COL24A1: variants seen among roughly 807,000 people sequenced by gnomAD.
The protein encoded by COL24A1 is collagen alpha-1(XXIV) chain.
COL24A1 carries 224 observed loss-of-function variants against 253.9 expected under a neutral mutation model. The ratio of observed to expected loss-of-function variants is 0.88; its 90% CI spans 0.79 to 0.99. The LOEUF (loss-of-function observed/expected upper bound fraction) is 0.99, where lower values mean the gene tolerates loss of function less well. COL24A1 is among the 50% of genes least tolerant of loss of function. The pLI, the probability that COL24A1 is intolerant of heterozygous loss-of-function variation, is 0.00. For synonymous variants in COL24A1, 685 were observed against 673.7 expected (o/e 1.02, Z -0.26); for missense variants, 2,131 against 2,068.5 (o/e 1.03, Z -0.59).
At chr1:85,925,803 A>C (rs570727328) in intron 24 of COL24A1, among the ~76,000 whole-genome samples, 10 of 152,354 alleles carry the variant, frequency 6.6e-5, no homozygotes, top group Admixed American at 2.6e-4. Context: ...CAAAGGCAAC[A>C]AAAGCCAAAA....
Position 85,908,664 on chromosome 1 carries a change from G to T in COL24A1, c.2671-13C>A. The stretch of plus-strand genomic sequence containing the variant: ...GACCTGGATATCCCTATAATTTAAG[G>T]AAAATATAAAAGAAGTAAAATATTC... On this transcript the variant is annotated splice_polypyrimidine_tract_variant and intron_variant, in intron 26 of 59. Coordinates refer to ENST00000370571, the MANE Select transcript of COL24A1 (RefSeq NM_152890.7). 7.6e-7 allele frequency: 1 copy of T among 1,309,190 alleles called. No individual in the cohort carries two copies. Among genetic ancestry groups the T allele is most frequent in the Non-Finnish European group, 1.0e-6 (1 of 977,826 alleles). The allele number at this position is 1,309,190 out of a possible 1,614,324, so 81.1% of individuals were successfully genotyped here.
At chr1:85,999,285 A>C (rs1695166886) in intron 19 of COL24A1, among the ~76,000 whole-genome samples, 1 of 152,158 alleles carries the variant, frequency 6.6e-6, no homozygotes, top group Non-Finnish European at 1.5e-5. Flanking sequence ...AGACTTCCTC[A>C]TCAATCTGGT....
intron 43 of COL24A1, among the ~76,000 whole-genome samples, chr1:85,837,171 C>T (rs1335673389): frequency 6.6e-6 from 1 of 152,056 alleles, no homozygotes; most frequent in Non-Finnish European, 1.5e-5. Context: ...CCACTCAATT[C>T]CTTGGGTTAG....
chr1:85,949,791 T>A (rs1212917987), intron 24 of COL24A1, among the ~76,000 whole-genome samples: 1 of 152,102 alleles, frequency 6.6e-6, no homozygotes, highest in Admixed American at 6.5e-5. Context: ...AATTCAATGA[T>A]CTCCTTACGC....
At chr1:86,009,235 C>G (rs1289095661) in intron 19 of COL24A1, among the ~76,000 whole-genome samples, 3 of 152,106 alleles carry the variant, frequency 2.0e-5, no homozygotes, top group Non-Finnish European at 4.4e-5. Flanking sequence ...ATCATTAGAA[C>G]AAGGTAGGAC....
chr1:86,143,871 A>C (rs1198740890), intron 2 of COL24A1, among the ~76,000 whole-genome samples: 1 of 152,144 alleles, frequency 6.6e-6, no homozygotes, highest in Non-Finnish European at 1.5e-5. Context: ...AGTCTAACTT[A>C]GGATAATCTC....
intron 59 of COL24A1, 144 bp downstream of exon 59, chr1:85,734,605 G>T: frequency 1.5e-6 from 1 of 680,048 alleles, no homozygotes; most frequent in Non-Finnish European, 2.5e-6. Context: ...AGAAAATGCA[G>T]TTACAAGTCA....
At chr1:85,978,561 A>G (rs893437813) in intron 20 of COL24A1, among the ~76,000 whole-genome samples, 4 of 152,074 alleles carry the variant, frequency 2.6e-5, no homozygotes, top group African/African-American at 7.2e-5. Flanking sequence ...AAAAGCAAGC[A>G]GGACCTCAAT....
intron 5 of COL24A1, among the ~76,000 whole-genome samples, chr1:86,102,333 C>A (rs1029848608): frequency 4.6e-5 from 7 of 151,984 alleles, no homozygotes; most frequent in African/African-American, 9.7e-5. Flanking sequence ...TTTCAAAAAA[C>A]CAGTTCCAGG....
intron 24 of COL24A1, among the ~76,000 whole-genome samples, chr1:85,934,476 T>C (rs961296566): frequency 6.6e-6 from 1 of 152,178 alleles, no homozygotes; most frequent in Non-Finnish European, 1.5e-5. Flanking sequence ...TCTAAATTAG[T>C]GTTGTTGGAA....
chr1:85,779,147 T>C (rs1348215804), intron 52 of COL24A1, among the ~76,000 whole-genome samples: 1 of 151,862 alleles, frequency 6.6e-6, no homozygotes, highest in Non-Finnish European at 1.5e-5. Flanking sequence ...CTAGGGCTTA[T>C]AGGCATGTAC....
chr1:85,823,402 A>G, intron 45 of COL24A1, 134 bp downstream of exon 45: 1 of 748,756 alleles, frequency 1.3e-6, no homozygotes. Context: ...CACCCTACTT[A>G]GAGGCCCATA....
intron 24 of COL24A1, among the ~76,000 whole-genome samples, chr1:85,952,410 A>T (rs1690024486): frequency 6.6e-6 from 1 of 152,252 alleles, no homozygotes. Context: ...CATTATGTTC[A>T]CACTACACAA....
At chr1:85,757,238 A>G (rs1396381373) in intron 55 of COL24A1, among the ~76,000 whole-genome samples, 2 of 152,238 alleles carry the variant, frequency 1.3e-5, no homozygotes, top group Non-Finnish European at 2.9e-5. Context: ...AACATTAAAA[A>G]TAACAAGTAA....
intron 53 of COL24A1, among the ~76,000 whole-genome samples, chr1:85,768,926 G>GT (rs557214465): frequency 6.6e-6 from 1 of 152,208 alleles, no homozygotes. Flanking sequence ...TGGTAGGTAG[G>GT]TACTAGGTGG....
At chr1:86,117,517 C>T (rs1706269036) in intron 3 of COL24A1, among the ~76,000 whole-genome samples, 1 of 152,044 alleles carries the variant, frequency 6.6e-6, no homozygotes, top group African/African-American at 2.4e-5. Context: ...CCTGAACTAA[C>T]TAAGATGCAA....
intron 20 of COL24A1, among the ~76,000 whole-genome samples, chr1:85,976,337 C>T (rs1450540952): frequency 6.6e-6 from 1 of 152,154 alleles, no homozygotes; most frequent in African/African-American, 2.4e-5. Context: ...CCGACCTCTA[C>T]ATGGGAGCTG....
intron 14 of COL24A1, among the ~76,000 whole-genome samples, chr1:86,025,265 C>T (rs1467816252): frequency 6.6e-6 from 1 of 152,158 alleles, no homozygotes; most frequent in Non-Finnish European, 1.5e-5. Flanking sequence ...TACTTTCATG[C>T]GTGGGAGCCT....
At chr1:85,872,479 C>T (rs559636763) in intron 35 of COL24A1, among the ~76,000 whole-genome samples, 2 of 151,910 alleles carry the variant, frequency 1.3e-5, no homozygotes, top group Middle Eastern at 3.4e-3. Context: ...ACAGCTGGTA[C>T]CAAAACAGAG....
Sources: allele counts gnomAD v4.1 joint callset (sites outside exome capture counted in the v4.1 genomes callset), GRCh38; gene constraint gnomAD v4.1.1; transcripts MANE v1.5; gene names NCBI Gene and HGNC (gene_info 2026-07-23, HGNC 2026-07-21).